CIMIP7: variants seen among roughly 807,000 people sequenced by gnomAD.
CIMIP7 encodes the protein ciliary microtubule inner protein 7, also known as uncharacterized protein C3orf84.
At chr3:49,186,586 G>A in the CIMIP7 span, among the ~76,000 whole-genome samples, 64 of 152,054 alleles carry the variant, frequency 4.2e-4, no homozygotes, top group Admixed American at 1.4e-3. Context: ...TGTATTTTTC[G>A]TAGAGATGGG....
At chr3:49,188,889 C>T in the CIMIP7 span, among the ~76,000 whole-genome samples, 1 of 152,056 alleles carries the variant, frequency 6.6e-6, no homozygotes, top group Non-Finnish European at 1.5e-5. Context: ...CTTCTGCCTC[C>T]CAGGTTCAAG....
chr3:49,187,517 C>T, the CIMIP7 span, among the ~76,000 whole-genome samples: 1 of 152,082 alleles, frequency 6.6e-6, no homozygotes, highest in African/African-American at 2.4e-5. Context: ...TGCACCCAAC[C>T]AGACAGGATT....
the CIMIP7 span, chr3:49,178,639 C>G: frequency 1.1e-6 from 1 of 934,422 alleles, no homozygotes; most frequent in Non-Finnish European, 1.7e-6. Context: ...AGGGAAGTCA[C>G]CAGGAGCCAC....
chr3:49,187,770 C>T, the CIMIP7 span, among the ~76,000 whole-genome samples: 1 of 152,148 alleles, frequency 6.6e-6, no homozygotes, highest in Non-Finnish European at 1.5e-5. Context: ...TCAGCCAGTG[C>T]AAAAAGAAAA....
At chr3:49,189,251 G>A in the CIMIP7 span, among the ~76,000 whole-genome samples, 1 of 151,878 alleles carries the variant, frequency 6.6e-6, no homozygotes, top group Non-Finnish European at 1.5e-5. Flanking sequence ...TTACAGGCAT[G>A]AGCCACCGCA....
chr3:49,182,798 C>T, the CIMIP7 span, among the ~76,000 whole-genome samples: 53 of 152,298 alleles, frequency 3.5e-4, no homozygotes, highest in Middle Eastern at 3.4e-3. Flanking sequence ...CTGCAGGTCC[C>T]GAGCCCTGCC....
chr3:49,181,318 G>A, the CIMIP7 span, among the ~76,000 whole-genome samples: 1 of 142,990 alleles, frequency 7.0e-6, no homozygotes, highest in African/African-American at 2.7e-5. Context: ...CTCCAGCCTT[G>A]GCAACAGAGA....
At chr3:49,178,420 C>T in the CIMIP7 span, 2 of 1,493,066 alleles carry the variant, frequency 1.3e-6, no homozygotes, top group Non-Finnish European at 1.9e-6. Context: ...ACCATCTGCT[C>T]TGTCCAGACT....
the CIMIP7 span, among the ~76,000 whole-genome samples, chr3:49,189,437 C>A: frequency 6.6e-6 from 1 of 152,160 alleles, no homozygotes; most frequent in Non-Finnish European, 1.5e-5. Flanking sequence ...ATACACAGTG[C>A]CCCTTCCTTG....
At chr3:49,183,854 C>G in the CIMIP7 span, among the ~76,000 whole-genome samples, 1 of 152,138 alleles carries the variant, frequency 6.6e-6, no homozygotes, top group Non-Finnish European at 1.5e-5. Flanking sequence ...AATGATTAAA[C>G]AAACTGGTAC....
chr3:49,177,807 G>C, the CIMIP7 span: 1 of 1,612,414 alleles, frequency 6.2e-7, no homozygotes, highest in Non-Finnish European at 8.5e-7. Flanking sequence ...CCTGGGATGG[G>C]CAGCAGAAGT....
At chr3:49,179,021 C>T in the CIMIP7 span, among the ~76,000 whole-genome samples, 1 of 152,196 alleles carries the variant, frequency 6.6e-6, no homozygotes, top group Non-Finnish European at 1.5e-5. Context: ...GCCTACTCCA[C>T]ATCTCCATGT....
chr3:49,178,635 G>A, the CIMIP7 span: 1 of 1,011,610 alleles, frequency 9.9e-7, no homozygotes, highest in Non-Finnish European at 1.5e-6. Context: ...ATGGAGGGAA[G>A]TCACCAGGAG....
the CIMIP7 span, among the ~76,000 whole-genome samples, chr3:49,184,205 C>T: frequency 3.3e-5 from 5 of 152,222 alleles, no homozygotes; most frequent in African/African-American, 4.8e-5. Flanking sequence ...CATTATGTTG[C>T]ACAGGCTGAT....
the CIMIP7 span, among the ~76,000 whole-genome samples, chr3:49,190,627 C>T: frequency 6.6e-6 from 1 of 151,088 alleles, no homozygotes; most frequent in South Asian, 2.1e-4. Context: ...TCCCAAGTAC[C>T]TGAGACTACA....
At chr3:49,181,989 C>T in the CIMIP7 span, among the ~76,000 whole-genome samples, 1 of 151,906 alleles carries the variant, frequency 6.6e-6, no homozygotes, top group Non-Finnish European at 1.5e-5. Context: ...CTGCAGACCT[C>T]CGCGGTGAGT....
At chr3:49,183,752 T>C in the CIMIP7 span, among the ~76,000 whole-genome samples, 5 of 152,220 alleles carry the variant, frequency 3.3e-5, no homozygotes, top group African/African-American at 1.2e-4. Flanking sequence ...CAAAAACATA[T>C]GTTCAACCAA....
the CIMIP7 span, chr3:49,178,472 C>T: frequency 1.1e-5 from 17 of 1,612,712 alleles, 1 homozygote; most frequent in African/African-American, 5.3e-5. Flanking sequence ...TTCCTGTCTT[C>T]GGCACTCACT....
At chr3:49,190,175 A>G in the CIMIP7 span, 2 of 1,450,386 alleles carry the variant, frequency 1.4e-6, no homozygotes, top group African/African-American at 1.4e-5. Flanking sequence ...AACTCACTCA[A>G]ATCTCCACCA....
Sources: gnomAD v4.1 joint callset for allele counts (sites outside exome capture counted in the v4.1 genomes callset) on GRCh38, gnomAD v4.1.1 for gene constraint, MANE v1.5 for transcripts, NCBI Gene and HGNC (gene_info 2026-07-23, HGNC 2026-07-21) for gene names.